The following CSMD1 variants were observed in gnomAD, a reference collection of about 807,000 sequenced individuals.
The protein encoded by CSMD1 is CUB and sushi domain-containing protein 1.
CSMD1 carries 213 observed loss-of-function variants against 417.5 expected under a neutral mutation model. That is an observed-to-expected ratio of 0.51 (90% confidence interval 0.46 to 0.57). The LOEUF (loss-of-function observed/expected upper bound fraction) is 0.57. Among genes scored for constraint, CSMD1 ranks in the 20% least tolerant of loss-of-function variants. The pLI, the probability that CSMD1 is intolerant of heterozygous loss-of-function variation, is 0.00. For missense variants in CSMD1, 6,923 were observed against 4,529.7 expected (o/e 1.53, Z -15.17); for synonymous variants, 2,862 against 1,736.8 (o/e 1.65, Z -16.11).
chr8:3,574,860 G>A (rs376813019), intron 10 of CSMD1, 85 bp downstream of exon 10: 4 of 1,444,570 alleles, frequency 2.8e-6, no homozygotes, highest in Middle Eastern at 2.6e-4. Context: ...AGCACGGATA[G>A]CATTTGCTGG....
intron 5 of CSMD1, among the ~76,000 whole-genome samples, chr8:3,981,333 G>C (rs1813845300): frequency 6.6e-6 from 1 of 151,874 alleles, no homozygotes; most frequent in African/African-American, 2.4e-5. Context: ...GCGGATTTTG[G>C]GGACTTCAGG....
chr8:4,220,165 C>T lies in CSMD1; in HGVS notation c.416-188066G>A, dbSNP rs145882469. Among the ~76,000 whole-genome samples the T allele has an allele frequency of 1.2e-4, 18 of 152,176 alleles. No individual in the cohort carries two copies. The East Asian group carries it at 3.3e-3, about 28-fold the overall frequency. ...AGGGTTTTGCCATGTCGGCCAAGCT[C>T]GTCTTGAACTCCTGACGTCAGGTGA... On this transcript the variant is annotated intron_variant, in intron 3 of 69. Transcript: ENST00000635120.
chr8:4,438,309 G>A (rs1408086590), intron 2 of CSMD1, among the ~76,000 whole-genome samples: 1 of 152,180 alleles, frequency 6.6e-6, no homozygotes, highest in South Asian at 2.1e-4. Context: ...TGGAGGTGGT[G>A]TCTGAAGCAG....
intron 2 of CSMD1, among the ~76,000 whole-genome samples, chr8:4,543,453 T>C (rs1344790663): frequency 6.6e-6 from 1 of 152,130 alleles, no homozygotes. Flanking sequence ...GTTTCCTCCA[T>C]GCCCTTGCAT....
chr8:4,235,543 T>A (rs888587941), intron 3 of CSMD1, among the ~76,000 whole-genome samples: 4 of 152,182 alleles, frequency 2.6e-5, no homozygotes, highest in Admixed American at 2.0e-4. Flanking sequence ...CTACTCAAAG[T>A]GCTCCGAATA....
rs1305801394 is a variant in CSMD1 at position 3,025,824 on chromosome 8, G to T, written c.7855+3495C>A. Among the ~76,000 whole-genome samples, 5 of 152,182 alleles carry T rather than the reference G, an allele frequency of 3.3e-5. No homozygotes were observed. In the South Asian group the frequency reaches 1.0e-3, roughly 31 times the overall value. ...TCATAAAAATGTGTTACTTATGTGA[G>T]CATGTAATTGATATGTTATTTTAAA... On this transcript the variant is annotated intron_variant, in intron 51 of 69. Transcript: ENST00000635120.
chr8:4,031,886 C>A lies in CSMD1; in HGVS notation c.610+19G>T, dbSNP rs373216826. ...CCCTGCCCTGGAGTCTGCTCACCAG[C>A]CCCCTTGTAGCACTGTACCTCTGCA... On this transcript the variant is annotated intron_variant, in intron 4 of 69. Transcript: ENST00000635120. The A allele has an allele frequency of 2.8e-5, 45 of 1,587,764 alleles. No homozygotes were observed. The African/African-American group carries it at 4.7e-4, about 17-fold the overall frequency.
chr8:4,539,986 G>C (rs1250771130), intron 2 of CSMD1, among the ~76,000 whole-genome samples: 2 of 152,124 alleles, frequency 1.3e-5, no homozygotes, highest in African/African-American at 4.8e-5. Flanking sequence ...GATGCCCATG[G>C]CTATTGAGCC....
chr8:3,760,570 G>C (rs1042661372), intron 5 of CSMD1, among the ~76,000 whole-genome samples: 2 of 152,152 alleles, frequency 1.3e-5, no homozygotes, highest in African/African-American at 4.8e-5. Flanking sequence ...TGAACACATT[G>C]TTCTAACATT....
At chr8:3,934,951 T>G (rs973310418) in intron 5 of CSMD1, among the ~76,000 whole-genome samples, 3 of 152,128 alleles carry the variant, frequency 2.0e-5, no homozygotes, top group African/African-American at 7.2e-5. Flanking sequence ...AAAAGTAATA[T>G]TTACAAAAAA....
At chr8:4,277,826 C>A (rs1796570886) in intron 3 of CSMD1, among the ~76,000 whole-genome samples, 1 of 152,144 alleles carries the variant, frequency 6.6e-6, no homozygotes, top group South Asian at 2.1e-4. Flanking sequence ...CGGTTCACTG[C>A]AAGGTCTGCC....
rs1803344593 is a variant in CSMD1, at chr8:4,135,195, C to G, written c.416-103096G>C. Among the ~76,000 whole-genome samples the G allele has an allele frequency of 2.6e-5, 4 of 152,112 alleles. No individual in the cohort carries two copies. In the South Asian group the frequency reaches 8.3e-4, roughly 31 times the overall value. ...TCATTAGACAGGCTTCCATTTATCA[C>G]TTCAGGACCAACAATGTTGAGAATT... On this transcript the variant is annotated intron_variant, in intron 3 of 69. Coordinates refer to ENST00000635120, the MANE Select transcript of CSMD1 (RefSeq NM_033225.6).
chr8:4,437,435 C>T (rs557045658), intron 2 of CSMD1, among the ~76,000 whole-genome samples: 10 of 152,178 alleles, frequency 6.6e-5, no homozygotes, highest in Non-Finnish European at 1.2e-4. Context: ...CATGATTATC[C>T]GTAAAATCAG....
intron 2 of CSMD1, among the ~76,000 whole-genome samples, chr8:4,530,174 A>C (rs1796730749): frequency 6.6e-6 from 1 of 151,750 alleles, no homozygotes; most frequent in African/African-American, 2.4e-5. Context: ...CAGCCTCCCA[A>C]AGTGCTAGGA....
At chr8:4,649,370 T>G (rs115876587) in intron 1 of CSMD1, among the ~76,000 whole-genome samples, 1 of 152,190 alleles carries the variant, frequency 6.6e-6, no homozygotes, top group African/African-American at 2.4e-5. Context: ...TTTCCATATT[T>G]TAATCATCAC....
chr8:4,135,436 A>G (rs1432095536), intron 3 of CSMD1, among the ~76,000 whole-genome samples: 5 of 151,694 alleles, frequency 3.3e-5, no homozygotes, highest in Admixed American at 6.6e-5. Context: ...GAAGGAGGGA[A>G]GGACGGAAAT....
chr8:3,013,267 C>G (rs181498388), intron 52 of CSMD1, among the ~76,000 whole-genome samples: 2 of 152,196 alleles, frequency 1.3e-5, no homozygotes, highest in East Asian at 1.9e-4. Context: ...TTTTTCCCAC[C>G]CACATGTTCC....
chr8:3,634,588 C>T (rs920428854), intron 7 of CSMD1, among the ~76,000 whole-genome samples: 1 of 152,156 alleles, frequency 6.6e-6, no homozygotes, highest in Non-Finnish European at 1.5e-5. Context: ...TAGCCATGCA[C>T]ATAATGACCT....
chr8:4,464,497 T>C (rs1204751775), intron 2 of CSMD1, among the ~76,000 whole-genome samples: 1 of 152,200 alleles, frequency 6.6e-6, no homozygotes, highest in Middle Eastern at 3.2e-3. Flanking sequence ...TATTTTATAA[T>C]AACACATTGA....
Sources: allele counts gnomAD v4.1 joint callset (sites outside exome capture counted in the v4.1 genomes callset), GRCh38; gene constraint gnomAD v4.1.1; transcripts MANE v1.5; gene names NCBI Gene and HGNC (gene_info 2026-07-23, HGNC 2026-07-21).